The following RSRC1 variants were observed in gnomAD, a reference collection of about 807,000 sequenced individuals.
RSRC1 encodes the protein arginine and serine rich coiled-coil 1.
In RSRC1, 39 loss-of-function variants were observed where a neutral mutation model predicts 49.1. The ratio of observed to expected loss-of-function variants is 0.79; its 90% CI spans 0.61 to 1.04. RSRC1 has a LOEUF of 1.04. Ranked by LOEUF, RSRC1 falls within the 50% of genes least tolerant of loss-of-function variation. The pLI is 0.00. For synonymous variants in RSRC1, 143 were observed against 130.8 expected (o/e 1.09, Z -0.63); for missense variants, 388 against 402.4 (o/e 0.96, Z 0.31).
intron 4 of RSRC1, among the ~76,000 whole-genome samples, chr3:158,289,937 A>ATCCC (rs1345236609): frequency 6.6e-6 from 1 of 150,420 alleles, no homozygotes; most frequent in Non-Finnish European, 1.5e-5. Flanking sequence ...CCATCCATCC[A>ATCCC]TCCATCCATC....
At chr3:158,327,149 G>A (rs944060376) in intron 5 of RSRC1, among the ~76,000 whole-genome samples, 1 of 151,882 alleles carries the variant, frequency 6.6e-6, no homozygotes, top group South Asian at 2.1e-4. Context: ...TCTTGCTAGC[G>A]GTCTATCAAT....
chr3:158,292,345 C>T (rs970700567), intron 4 of RSRC1, among the ~76,000 whole-genome samples: 1 of 152,084 alleles, frequency 6.6e-6, no homozygotes, highest in African/African-American at 2.4e-5. Flanking sequence ...ATATTGCAGT[C>T]TAATTCAGAA....
At chr3:158,358,050 G>A (rs761060327) in intron 6 of RSRC1, among the ~76,000 whole-genome samples, 5 of 151,988 alleles carry the variant, frequency 3.3e-5, no homozygotes, top group African/African-American at 4.8e-5. Context: ...AATCTGTTTC[G>A]AATATTTAGC....
At chr3:158,165,124 G>C (rs543924266) in intron 3 of RSRC1, among the ~76,000 whole-genome samples, 164 of 152,218 alleles carry the variant, frequency 1.1e-3, no homozygotes, top group Non-Finnish European at 1.1e-3. Context: ...CTCTGAGCAT[G>C]GCTTTGAGAA....
chr3:158,373,793 G>C (rs1732210029), intron 6 of RSRC1, among the ~76,000 whole-genome samples: 1 of 151,978 alleles, frequency 6.6e-6, no homozygotes, highest in South Asian at 2.1e-4. Context: ...TTGGTTTTTT[G>C]TCATTGGTTG....
At chr3:158,144,634 C>G (rs1386355496) in intron 3 of RSRC1, among the ~76,000 whole-genome samples, 1 of 152,094 alleles carries the variant, frequency 6.6e-6, no homozygotes, top group Non-Finnish European at 1.5e-5. Flanking sequence ...ATTTATAATC[C>G]TTTGGATATA....
chr3:158,276,936 G>A (rs1251825348), intron 4 of RSRC1, among the ~76,000 whole-genome samples: 2 of 152,060 alleles, frequency 1.3e-5, no homozygotes, highest in African/African-American at 4.8e-5. Flanking sequence ...ACCTCATATG[G>A]ATATATAGTT....
At position 158,184,585 on chromosome 3, in the gene RSRC1, C is replaced by T. The variant is rs527998931; in HGVS notation, c.321-18487C>T. On this transcript the variant is annotated intron_variant, in intron 3 of 9. Coordinates refer to ENST00000611884, the MANE Select transcript of RSRC1 (RefSeq NM_001271838.2). ...ACAATTTAGAACTTGTTCACAGATT[C>T]GGAAGAAAAGTATAAAACAAGAGAG... Among the ~76,000 whole-genome samples, 42 of 152,072 alleles carry T rather than the reference C, an allele frequency of 2.8e-4. No homozygotes were observed. The South Asian group carries it at 3.3e-3, about 12-fold the overall frequency.
At chr3:158,509,236 C>A (rs547027664) in intron 7 of RSRC1, among the ~76,000 whole-genome samples, 1 of 152,042 alleles carries the variant, frequency 6.6e-6, no homozygotes, top group Non-Finnish European at 1.5e-5. Flanking sequence ...AGTCTTAGAC[C>A]CACTTGTTGA....
intron 4 of RSRC1, among the ~76,000 whole-genome samples, chr3:158,273,461 C>T (rs572471276): frequency 6.6e-6 from 1 of 152,098 alleles, no homozygotes; most frequent in Non-Finnish European, 1.5e-5. Flanking sequence ...TTCTTGTAAA[C>T]AGTCATATTT....
At chr3:158,443,108 A>G (rs141295955) in intron 6 of RSRC1, among the ~76,000 whole-genome samples, 2 of 152,268 alleles carry the variant, frequency 1.3e-5, no homozygotes, top group Admixed American at 1.3e-4. Flanking sequence ...TAGATTTAGC[A>G]TCATTCTTAA....
intron 6 of RSRC1, among the ~76,000 whole-genome samples, chr3:158,452,245 C>T (rs897696199): frequency 3.9e-5 from 6 of 152,144 alleles, no homozygotes; most frequent in East Asian, 1.9e-4. Context: ...ATTTAATTTT[C>T]GTGGGCCTTT....
intron 6 of RSRC1, among the ~76,000 whole-genome samples, chr3:158,432,582 AGTTT>A (rs1560040527): frequency 6.6e-6 from 1 of 152,042 alleles, no homozygotes; most frequent in African/African-American, 2.4e-5. Flanking sequence ...CCTCTGGAGA[AGTTT>A]GTTTAATATT....
intron 3 of RSRC1, among the ~76,000 whole-genome samples, chr3:158,157,986 T>C (rs891520808): frequency 3.9e-5 from 6 of 152,156 alleles, no homozygotes; most frequent in Non-Finnish European, 7.3e-5. Context: ...TTTTTAACTG[T>C]TACTATTTAC....
chr3:158,360,483 G>A (rs564729045), intron 6 of RSRC1, among the ~76,000 whole-genome samples: 11 of 152,238 alleles, frequency 7.2e-5, no homozygotes, highest in East Asian at 1.9e-4. Context: ...GCCTCCTGCC[G>A]CCATCCATGA....
At chr3:158,161,218 C>CT (rs1718197319) in intron 3 of RSRC1, among the ~76,000 whole-genome samples, 2 of 152,274 alleles carry the variant, frequency 1.3e-5, no homozygotes, top group South Asian at 4.1e-4. Flanking sequence ...AGCTGGGCCT[C>CT]TTCTGATCTA....
intron 4 of RSRC1, among the ~76,000 whole-genome samples, chr3:158,258,388 C>T (rs1369650855): frequency 6.6e-6 from 1 of 151,484 alleles, no homozygotes; most frequent in Non-Finnish European, 1.5e-5. Flanking sequence ...TGTGATGCCA[C>T]TCTCTTCTGG....
chr3:158,120,620 A>C (rs919234690), intron 1 of RSRC1, among the ~76,000 whole-genome samples: 2 of 147,204 alleles, frequency 1.4e-5, no homozygotes, highest in Non-Finnish European at 3.0e-5. Flanking sequence ...TTTAATATAT[A>C]ATATATTTAA....
At chr3:158,292,518 A>G (rs1369816554) in intron 4 of RSRC1, among the ~76,000 whole-genome samples, 1 of 152,148 alleles carries the variant, frequency 6.6e-6, no homozygotes, top group Non-Finnish European at 1.5e-5. Context: ...GGACCATTTT[A>G]TCAGTTTTGA....
Sources: allele counts gnomAD v4.1 joint callset (sites outside exome capture counted in the v4.1 genomes callset), GRCh38; gene constraint gnomAD v4.1.1; transcripts MANE v1.5; gene names NCBI Gene and HGNC (gene_info 2026-07-23, HGNC 2026-07-21).